Variants in HSPA12A observed in about 807,000 individuals in gnomAD.
HSPA12A encodes the protein heat shock 70 kDa protein 12A.
Under a neutral mutation model 69.2 loss-of-function variants are expected in HSPA12A, and 28 were observed. The observed-to-expected ratio is 0.40, with a 90% CI of 0.30 to 0.55. The LOEUF is 0.55. HSPA12A is among the 20% of genes least tolerant of loss of function. The probability of loss-of-function intolerance (pLI) is 0.38; values close to 1 mark genes in which losing one functional copy is unlikely to be tolerated. For missense variants in HSPA12A, 686 were observed against 900.7 expected, an observed-to-expected ratio of 0.76 and a Z score of 3.05; for synonymous variants, 345 against 370.5, an observed-to-expected ratio of 0.93 and a Z score of 0.79.
At position 116,674,898 on chromosome 10, in the gene HSPA12A, G is replaced by T; in HGVS notation, c.1911C>A (p.Pro637=). 2 of 1,614,112 alleles carry T rather than the reference G, an allele frequency of 1.2e-6. No individual in the cohort carries two copies. Among genetic ancestry groups the T allele is most frequent in the Non-Finnish European group, 1.7e-6 (2 of 1,180,042 alleles). ...DLTGTSGTAV[P]ARREIQTLMQ... The stretch of plus-strand genomic sequence containing the variant: ...TAAGGGTCTGGATCTCCCTCCGGGC[G>T]GGCACCGCAGTGCCACTGGTCCCTG... Residue 637 remains proline (P), a synonymous_variant, in exon 12 of 12, where the codon CCC becomes CCA. Transcript: ENST00000369209.
Position 116,810,335 on chromosome 10 carries a change from C to T in HSPA12A, c.91+24600G>A, listed in dbSNP as rs561312277. Among the ~76,000 whole-genome samples, 3 of 152,254 alleles carry T rather than the reference C, an allele frequency of 2.0e-5. No homozygotes were observed. In the East Asian group the frequency reaches 5.8e-4, roughly 29 times the overall value. On this transcript the variant is annotated intron_variant, in intron 2 of 12. Coordinates refer to the HSPA12A transcript ENST00000635765. Reference sequence around the variant, plus strand: ...CTCAGCCCCACGCCCTGGTCCTGGTCCACAGGCACTTCCATTTAACTGACC... The same window carrying T: ...CTCAGCCCCACGCCCTGGTCCTGGTTCACAGGCACTTCCATTTAACTGACC...
intron 2 of HSPA12A, among the ~76,000 whole-genome samples, chr10:116,773,641 G>C (rs1261805794): frequency 6.6e-6 from 1 of 152,204 alleles, no homozygotes; most frequent in East Asian, 1.9e-4. Flanking sequence ...CTCACAGTGG[G>C]GGCCTCAGCC....
At chr10:116,684,858 TC>T (rs1849528883) in intron 6 of HSPA12A, among the ~76,000 whole-genome samples, 1 of 152,258 alleles carries the variant, frequency 6.6e-6, no homozygotes, top group Non-Finnish European at 1.5e-5. Context: ...CAGTCACCAC[TC>T]CTGTGGGCCT....
intron 2 of HSPA12A, among the ~76,000 whole-genome samples, chr10:116,706,624 A>G (rs1403374638): frequency 2.0e-5 from 3 of 152,020 alleles, no homozygotes; most frequent in African/African-American, 7.2e-5. Flanking sequence ...CTACGTGCAC[A>G]CCCCTCTAAA....
intron 1 of HSPA12A, among the ~76,000 whole-genome samples, chr10:116,730,855 T>C (rs569150880): frequency 1.1e-4 from 16 of 152,374 alleles, no homozygotes; most frequent in African/African-American, 3.6e-4. Context: ...AGGGCCTCTG[T>C]ACAGCCTAGG....
At chr10:116,763,361 T>C (rs1252380543) in intron 2 of HSPA12A, among the ~76,000 whole-genome samples, 1 of 152,242 alleles carries the variant, frequency 6.6e-6, no homozygotes, top group Non-Finnish European at 1.5e-5. Flanking sequence ...TGAAACACGA[T>C]CATTTTCAAG....
intron 1 of HSPA12A, among the ~76,000 whole-genome samples, chr10:116,735,410 T>C (rs1168381270): frequency 1.3e-5 from 2 of 152,214 alleles, no homozygotes; most frequent in African/African-American, 2.4e-5. Flanking sequence ...CGTGATTTTA[T>C]TGGACTTCCC....
At chr10:116,814,898 G>T (rs1845267910) in intron 2 of HSPA12A, among the ~76,000 whole-genome samples, 1 of 152,194 alleles carries the variant, frequency 6.6e-6, no homozygotes, top group African/African-American at 2.4e-5. Flanking sequence ...GGGGGAATAA[G>T]TTCCCTTCAA....
chr10:116,746,802 G>T (rs1486297150), upstream of HSPA12A, among the ~76,000 whole-genome samples: 1 of 152,142 alleles, frequency 6.6e-6, no homozygotes, highest in African/African-American at 2.4e-5. Flanking sequence ...GATATGAGTA[G>T]CTTTTTCCAT....
At chr10:116,789,010 C>G (rs906601381) in intron 2 of HSPA12A, among the ~76,000 whole-genome samples, 21 of 151,878 alleles carry the variant, frequency 1.4e-4, no homozygotes, top group African/African-American at 5.1e-4. Flanking sequence ...GGTCTATAGG[C>G]ACCTGCCACA....
chr10:116,839,472 A>ATCACAGCTCCATTCC (rs1845768552), intron 1 of HSPA12A, among the ~76,000 whole-genome samples: 1 of 152,150 alleles, frequency 6.6e-6, no homozygotes, highest in Non-Finnish European at 1.5e-5. Context: ...TTTGACAGGG[A>ATCACAGCTCCATTCC]TCACAGCTCC....
chr10:116,680,615 A>G (rs1403104781), intron 9 of HSPA12A, among the ~76,000 whole-genome samples: 2 of 152,102 alleles, frequency 1.3e-5, no homozygotes, highest in Non-Finnish European at 2.9e-5. Context: ...CCACCTGAGT[A>G]GCTGGGGCTA....
intron 2 of HSPA12A, among the ~76,000 whole-genome samples, chr10:116,786,821 G>A (rs1372060763): frequency 6.6e-6 from 1 of 151,980 alleles, no homozygotes; most frequent in Non-Finnish European, 1.5e-5. Context: ...TGTATTTTTA[G>A]TAGAGACAGA....
rs111241910 is a variant in HSPA12A, at chr10:116,716,629, G to A, written c.41-9344C>T. On this transcript the variant is annotated intron_variant, in intron 1 of 11. Coordinates refer to ENST00000369209, the MANE Select transcript of HSPA12A (RefSeq NM_025015.3). Reference sequence around the variant, plus strand: ...GGGGCATGTCTCCTAGAATCAGGACGGCTTTGGAATAGGAGCAAAGCCAGA... The same window carrying A: ...GGGGCATGTCTCCTAGAATCAGGACAGCTTTGGAATAGGAGCAAAGCCAGA... 4.6e-5 allele frequency among the ~76,000 whole-genome samples: 7 copies of A among 152,326 alleles called. No homozygotes were observed. The South Asian group carries it at 8.3e-4, about 18-fold the overall frequency.
intron 1 of HSPA12A, among the ~76,000 whole-genome samples, chr10:116,740,103 G>A (rs1851435205): frequency 6.6e-6 from 1 of 152,168 alleles, no homozygotes; most frequent in Non-Finnish European, 1.5e-5. Flanking sequence ...GTCCTTAATA[G>A]AGTGGTAACC....
intron 2 of HSPA12A, among the ~76,000 whole-genome samples, chr10:116,793,971 G>T (rs1844758410): frequency 6.6e-6 from 1 of 152,122 alleles, no homozygotes; most frequent in Admixed American, 6.5e-5. Context: ...GGCTGACGTG[G>T]GTGGATCACA....
chr10:116,776,245 T>G (rs1844335059), intron 2 of HSPA12A, among the ~76,000 whole-genome samples: 1 of 152,164 alleles, frequency 6.6e-6, no homozygotes, highest in Non-Finnish European at 1.5e-5. Context: ...GCATCTCAGG[T>G]CCGTCCGCCT....
At chr10:116,691,674 G>A (rs1849742649) in intron 6 of HSPA12A, among the ~76,000 whole-genome samples, 1 of 152,194 alleles carries the variant, frequency 6.6e-6, no homozygotes, top group African/African-American at 2.4e-5. Context: ...CGCCATTCCT[G>A]CCTGGAAGCC....
intron 2 of HSPA12A, among the ~76,000 whole-genome samples, chr10:116,790,332 T>C (rs1409851705): frequency 6.6e-6 from 1 of 151,898 alleles, no homozygotes; most frequent in East Asian, 1.9e-4. Flanking sequence ...CTCTATCTCC[T>C]GACCTCGTGA....
Sources: allele counts gnomAD v4.1 joint callset (sites outside exome capture counted in the v4.1 genomes callset), GRCh38; gene constraint gnomAD v4.1.1; transcripts MANE v1.5; gene names NCBI Gene and HGNC (gene_info 2026-07-23, HGNC 2026-07-21).